The following RHBDF2 variants were observed in gnomAD, a reference collection of about 807,000 sequenced individuals.
The protein encoded by RHBDF2 is rhomboid 5 homolog 2.
In RHBDF2, 38 loss-of-function variants were observed where a neutral mutation model predicts 95.2. The observed-to-expected ratio is 0.40, with a 90% confidence interval of 0.31 to 0.52. The LOEUF (loss-of-function observed/expected upper bound fraction) is 0.52. Among genes scored for constraint, RHBDF2 ranks in the 20% least tolerant of loss-of-function variants. The probability of loss-of-function intolerance (pLI) is 0.56; values close to 1 mark genes in which losing one functional copy is unlikely to be tolerated. For synonymous variants in RHBDF2, 442 were observed against 462.0 expected (o/e 0.96, Z 0.55); for missense variants, 863 against 1,137.7 (o/e 0.76, Z 3.47).
chr17:76,473,968 T>C (rs939579903), intron 13 of RHBDF2, 65 bp downstream of exon 13: 20 of 1,593,652 alleles, frequency 1.3e-5, no homozygotes, highest in Non-Finnish European at 1.7e-5. Context: ...CCCACGTCCC[T>C]GTGGGTGGCT....
chr17:76,473,283 T>C lies in RHBDF2; in HGVS notation c.1778A>G (p.Tyr593Cys), dbSNP rs776826530. Reference protein sequence around the residue: ...TREYCEFMHGYFHEEATLCSQ... With the variant: ...TREYCEFMHGCFHEEATLCSQ... The stretch of plus-strand genomic sequence containing the variant: ...GCAGAGTGTTGCTTCCTCATGGAAA[T>C]AGCCGTGCATGAACTCACAGTATTC... The change falls in exon 16 of 19, where the codon TAT (tyrosine) becomes TGT (cysteine). Residue 593 changes from tyrosine (Y) to cysteine (C), a missense_variant. Around this residue, in one of 2 missense-constraint regions of RHBDF2, gnomAD observed 252 missense variants for 412.2 expected, o/e 0.61. Transcript: ENST00000675367. The C allele has an allele frequency of 6.2e-7, 1 of 1,613,090 alleles. No homozygotes were observed. The highest frequency in any genetic ancestry group is 8.5e-7 in the Non-Finnish European group (1 of 1,179,526).
At chr17:76,493,856 A>G (rs751900197) in intron 1 of RHBDF2, among the ~76,000 whole-genome samples, 1 of 152,186 alleles carries the variant, frequency 6.6e-6, no homozygotes, top group Non-Finnish European at 1.5e-5. Flanking sequence ...TGGCCCAGAG[A>G]GCTGTTTCTT....
At chr17:76,499,789 C>T (rs1244803829) in intron 1 of RHBDF2, among the ~76,000 whole-genome samples, 4 of 152,148 alleles carry the variant, frequency 2.6e-5, no homozygotes, top group African/African-American at 9.7e-5. Context: ...AGAGAGCTCG[C>T]CCTCTGCCCA....
At chr17:76,493,064 G>C (rs2074344666) in intron 1 of RHBDF2, 1 of 152,368 alleles carries the variant, frequency 6.6e-6, no homozygotes, top group Non-Finnish European at 1.5e-5. Context: ...GGCGTCACCT[G>C]GTGTCCCTGG....
rs183508989 is a variant in RHBDF2 at position 76,479,990 on chromosome 17, G to C, written c.151-136C>G. The C allele has an allele frequency of 8.5e-6, 9 of 1,054,418 alleles. No homozygotes were observed. The East Asian group carries it at 2.5e-4, about 29-fold the overall frequency. 65.3% of individuals were successfully genotyped at this position (1,054,418 alleles called of 1,614,324 possible). A position where few individuals can be genotyped will look rare whatever the true frequency, so the allele number is the denominator to read the frequency against. On this transcript the variant is annotated intron_variant, in intron 3 of 18. Transcript: ENST00000675367. ...TTTATGCCCCAATTTGCTTTCATTT[G>C]GAAATATATATATATAATGTGTGTG...
At chr17:76,484,742 G>C (rs1213524731) in intron 2 of RHBDF2, among the ~76,000 whole-genome samples, 1 of 152,114 alleles carries the variant, frequency 6.6e-6, no homozygotes, top group East Asian at 1.9e-4. Context: ...GTCTCTTCCT[G>C]TGCCCTTGCT....
rs760158983 is a variant in RHBDF2, at chr17:76,479,237, C to T, written c.313G>A (p.Gly105Arg). ...CGGCGCTGCCACTGCTGCCGCTGCC[C>T]CTCCCAGTCGCCGCTGACTCCAAAC... ...QWFGVSGDWE[G>R]QRQQWQRRSL... is the part of the protein sequence containing the mutation. The change falls in exon 5 of 19, where the codon GGG (glycine) becomes AGG (arginine). Residue 105 changes from glycine to arginine, a missense_variant. Coordinates refer to ENST00000675367, the MANE Select transcript of RHBDF2 (RefSeq NM_001005498.4). The T allele has an allele frequency of 1.2e-6, 2 of 1,608,164 alleles. 1 individual carries two copies. Among genetic ancestry groups the T allele is most frequent in the Non-Finnish European group, 1.7e-6 (2 of 1,179,394 alleles).
chr17:76,490,604 G>A (rs2074271240), intron 1 of RHBDF2, among the ~76,000 whole-genome samples: 1 of 152,108 alleles, frequency 6.6e-6, no homozygotes, highest in African/African-American at 2.4e-5. Flanking sequence ...GTGCAAGGGT[G>A]GGGCCTCCAG....
chr17:76,479,185 T>C lies in RHBDF2; in HGVS notation c.365A>G (p.Tyr122Cys). The part of the protein sequence containing the change: ...RRSLHHCSMR[Y>C]GRLKASCQRD... ...CTGGCACGAGGCCTTCAGGCGGCCG[T>C]AGCGCATGCTGCAGTGGTGCAGGCT... The change falls in exon 5 of 19, where the codon TAC becomes TGC. Residue 122 changes from tyrosine to cysteine, a missense_variant. Around this residue, in one of 2 missense-constraint regions of RHBDF2, gnomAD observed 611 missense variants for 725.5 expected, o/e 0.84. Transcript: ENST00000675367. 6.2e-7 allele frequency: 1 copy of C among 1,612,194 alleles called. No homozygotes were observed. The highest frequency in any genetic ancestry group is 8.5e-7 in the Non-Finnish European group (1 of 1,179,546).
At chr17:76,485,148 C>T (rs2074086367) in intron 2 of RHBDF2, among the ~76,000 whole-genome samples, 1 of 152,134 alleles carries the variant, frequency 6.6e-6, no homozygotes, top group Admixed American at 6.6e-5. Context: ...TGGCTCATGC[C>T]TGTAATCCCA....
chr17:76,476,918 C>CGAG lies in RHBDF2; in HGVS notation c.1024_1026dup (p.Leu342dup). Reference sequence around the variant, plus strand: ...CGGTTCAGCCAGTTGCCCACCACGCCGAGGCCGTAGTGCCGCTTCTTCCGA... The same window carrying CGAG: ...CGGTTCAGCCAGTTGCCCACCACGCCGAGGAGGCCGTAGTGCCGCTTCTTCCGA... On this transcript the variant is annotated inframe_insertion, in exon 9 of 19. Coordinates refer to ENST00000675367, the MANE Select transcript of RHBDF2 (RefSeq NM_001005498.4). The CGAG allele has an allele frequency of 6.2e-7, 1 of 1,613,772 alleles. No individual in the cohort carries two copies. The highest frequency in any genetic ancestry group is 8.5e-7 in the Non-Finnish European group (1 of 1,179,980).
rs375580401 is a variant in RHBDF2 at position 76,471,984 on chromosome 17, C to T, written c.2133G>A (p.Pro711=). 1.7e-5 allele frequency: 27 copies of T among 1,574,868 alleles called. No homozygotes were observed. The highest frequency in any genetic ancestry group is 7.0e-5 in the South Asian group (6 of 86,062). Residue 711 remains proline, a synonymous_variant, in exon 19 of 19, where the codon CCG becomes CCA. Coordinates refer to ENST00000675367, the MANE Select transcript of RHBDF2 (RefSeq NM_001005498.4). ...CLFVELFQSW[P]LLERPWKAFL... ...AGGCCTTCCAGGGCCTCTCCAGCAG[C>T]GGCCAGCTCTGGAAGAGCTCCACGA... is the stretch of plus-strand genomic sequence containing the variant.
intron 3 of RHBDF2, 139 bp from the exon 4 acceptor site, chr17:76,479,993 A>G (rs1567879542): frequency 2.1e-6 from 2 of 951,936 alleles, no homozygotes. Flanking sequence ...TTCATTTGGA[A>G]ATATATATAT....
chr17:76,479,868 G>A lies in RHBDF2; in HGVS notation c.151-14C>T. On this transcript the variant is annotated splice_polypyrimidine_tract_variant and intron_variant, in intron 3 of 18. Transcript: ENST00000675367. ...TGGGTTCTTCCTCTTGGGGAGGAAGGAGGGAGGGCAGGCGGTGGTGTGTGC... is the reference window on the plus strand; with the variant it reads ...TGGGTTCTTCCTCTTGGGGAGGAAGAAGGGAGGGCAGGCGGTGGTGTGTGC... The A allele has an allele frequency of 6.2e-7, 1 of 1,611,932 alleles. No individual in the cohort carries two copies. Among genetic ancestry groups the A allele is most frequent in the Non-Finnish European group, 8.5e-7 (1 of 1,179,320 alleles).
rs59303446 is a variant in RHBDF2 at position 76,472,316 on chromosome 17, G to A, written c.2065-264C>T. The A allele has an allele frequency of 3.7e-3, 2,212 of 594,052 alleles. 34 individuals are homozygous for A. Among genetic ancestry groups the A allele is most frequent in the African/African-American group, 0.036 (1,931 of 53,822 alleles). The allele number at this position is 594,052 out of a possible 1,614,324, so 36.8% of individuals were successfully genotyped here. A position where few individuals can be genotyped will look rare whatever the true frequency, so the allele number is the denominator to read the frequency against. ...AAGACAGACAAGCCTGTTCCAGGCC[G>A]CACACGGTGGGGAGAGGACGGACAC... On this transcript the variant is annotated intron_variant, in intron 18 of 18. Transcript: ENST00000675367.
intron 8 of RHBDF2, 63 bp from the exon 9 acceptor site, chr17:76,477,087 G>A (rs2073796114): frequency 1.2e-6 from 2 of 1,611,344 alleles, no homozygotes; most frequent in East Asian, 2.2e-5. Context: ...CCCCACCAGG[G>A]TGCTCAGAAG....
intron 2 of RHBDF2, among the ~76,000 whole-genome samples, chr17:76,486,260 C>T (rs997533585): frequency 6.6e-6 from 1 of 152,186 alleles, no homozygotes; most frequent in Non-Finnish European, 1.5e-5. Context: ...CAGGCGCAAG[C>T]CACCATGCCT....
intron 2 of RHBDF2, among the ~76,000 whole-genome samples, chr17:76,487,101 G>A (rs1008374117): frequency 3.3e-5 from 5 of 151,682 alleles, no homozygotes; most frequent in Non-Finnish European, 7.4e-5. Flanking sequence ...TGGGATTACA[G>A]GCATGCACCG....
rs1299023108 is a variant in RHBDF2, at chr17:76,474,130, T to C, written c.1477A>G (p.Thr493Ala). ...GTGTCATCCTGCCACTTGACAAAAG[T>C]GGCCAAAGTCTCCTGGAGGGCAGAA... ...QRKDCSETLA[T>A]FVKWQDDTGP... is the part of the protein sequence containing the mutation. The change falls in exon 13 of 19, where the codon ACT becomes GCT. Residue 493 changes from threonine (T) to alanine (A), a missense_variant. Physicochemically the swap from Thr to Ala is moderately conservative, Grantham distance 58. Coordinates refer to ENST00000675367, the MANE Select transcript of RHBDF2 (RefSeq NM_001005498.4). 6.3e-7 allele frequency: 1 copy of C among 1,586,040 alleles called. No individual in the cohort carries two copies. Among genetic ancestry groups the C allele is most frequent in the East Asian group, 2.2e-5 (1 of 44,676 alleles).
Sources: gnomAD v4.1 joint callset for allele counts (sites outside exome capture counted in the v4.1 genomes callset) on GRCh38, gnomAD v4.1.1 for gene constraint, gnomAD v4.1.1 regional missense constraint, MANE v1.5 for transcripts, NCBI Gene and HGNC (gene_info 2026-07-23, HGNC 2026-07-21) for gene names.